The following ADGRL3 variants were observed in gnomAD, a reference collection of about 807,000 sequenced individuals.
ADGRL3 encodes calcium-independent alpha-latrotoxin receptor 3.
A neutral mutation model predicts 153.5 loss-of-function variants in ADGRL3; 62 were observed. That is an observed-to-expected ratio of 0.40 (90% CI 0.33 to 0.50). ADGRL3 has a LOEUF of 0.50. ADGRL3 is among the 20% of genes least tolerant of loss of function. The pLI is 0.47. For synonymous variants in ADGRL3, 710 were observed against 672.5 expected (o/e 1.06, Z -0.86); for missense variants, 1,641 against 1,859.4 (o/e 0.88, Z 2.16).
rs560870025 is a variant in ADGRL3, at chr4:61,707,981, G to A, written c.584-22641G>A. On this transcript the variant is annotated intron_variant, in intron 6 of 26. Transcript: ENST00000683033. The stretch of plus-strand genomic sequence containing the variant: ...GCTTTTATTCTCTCTCTTCTTTTGT[G>A]GGTTTAATGTGTGATTTAACTAAAT... Among the ~76,000 whole-genome samples, 4 of 152,052 alleles carry A rather than the reference G, an allele frequency of 2.6e-5. No homozygotes were observed. In the South Asian group the frequency reaches 8.3e-4, roughly 32 times the overall value.
chr4:61,949,966 G>A (rs2098940885), intron 17 of ADGRL3, among the ~76,000 whole-genome samples: 1 of 151,920 alleles, frequency 6.6e-6, no homozygotes, highest in Non-Finnish European at 1.5e-5. Context: ...ATTTCATTGT[G>A]GAAAGAAAAT....
intron 2 of ADGRL3, among the ~76,000 whole-genome samples, chr4:61,428,893 TC>T (rs59500609): frequency 0.021 from 1,562 of 76,084 alleles, 15 homozygotes; most frequent in Admixed American, 0.042. Flanking sequence ...TCTATCTATA[TC>T]ATCTATCTAT....
rs987917082 is a variant in ADGRL3 at position 61,845,918 on chromosome 4, C to T, written c.1480+32029C>T. Among the ~76,000 whole-genome samples, 9 of 152,102 alleles carry T rather than the reference C, an allele frequency of 5.9e-5. No individual in the cohort carries two copies. The South Asian group carries it at 6.2e-4, about 10-fold the overall frequency. On this transcript the variant is annotated intron_variant, in intron 9 of 26. Transcript: ENST00000683033. ...TGCTTACTAGTACCATTCCTATTAA[C>T]GTGTAGTATTTAGTAGAATTTTATA...
chr4:61,286,185 A>T (rs181849699), intron 1 of ADGRL3, among the ~76,000 whole-genome samples: 39 of 151,554 alleles, frequency 2.6e-4, no homozygotes, highest in African/African-American at 8.0e-4. Flanking sequence ...GTATATTTTT[A>T]AAAATATAAT....
chr4:61,395,047 A>C (rs1433496344), intron 2 of ADGRL3, among the ~76,000 whole-genome samples: 1 of 152,052 alleles, frequency 6.6e-6, no homozygotes, highest in Non-Finnish European at 1.5e-5. Flanking sequence ...CAGTGTTATT[A>C]ATTCCACAAA....
At chr4:61,903,673 A>T (rs2098678745) in intron 11 of ADGRL3, among the ~76,000 whole-genome samples, 1 of 147,022 alleles carries the variant, frequency 6.8e-6, no homozygotes, top group Non-Finnish European at 1.5e-5. Context: ...AAAAAAAAAA[A>T]AAAAAAAAAA....
intron 8 of ADGRL3, among the ~76,000 whole-genome samples, chr4:61,759,486 G>C (rs189491371): frequency 6.6e-6 from 1 of 151,968 alleles, no homozygotes; most frequent in Non-Finnish European, 1.5e-5. Flanking sequence ...TTGTGCATTC[G>C]TCACATAGTT....
At chr4:61,739,165 T>C (rs1475206316) in intron 8 of ADGRL3, among the ~76,000 whole-genome samples, 3 of 152,204 alleles carry the variant, frequency 2.0e-5, no homozygotes, top group African/African-American at 7.2e-5. Context: ...AATAATATAG[T>C]TATATTTCAC....
Position 61,892,918 on chromosome 4 carries a change from A to G in ADGRL3, c.1743A>G (p.Gln581=). 1 of 1,552,576 alleles carries G rather than the reference A, an allele frequency of 6.4e-7. No homozygotes were observed. The highest frequency in any genetic ancestry group is 1.4e-5 in the African/African-American group (1 of 72,596). ...AAATCATGTGGTTTAAGACTCGTCA[A>G]GGACAGATAGCAAAGCAGCCATGCC... The part of the protein sequence containing the change: ...AREIMWFKTR[Q]GQIAKQPCPA... The change falls in exon 10 of 27, where the codon CAA becomes CAG. Residue 581 remains glutamine (Q), a synonymous_variant. Transcript: ENST00000683033.
At chr4:61,290,267 A>G (rs1431861855) in intron 1 of ADGRL3, among the ~76,000 whole-genome samples, 2 of 152,130 alleles carry the variant, frequency 1.3e-5, no homozygotes, top group African/African-American at 4.8e-5. Context: ...AGATTAATTT[A>G]GAGTTGATGA....
At chr4:61,895,272 C>G (rs1329265261) in intron 10 of ADGRL3, among the ~76,000 whole-genome samples, 1 of 152,110 alleles carries the variant, frequency 6.6e-6, no homozygotes, top group African/African-American at 2.4e-5. Context: ...TTGAGACCAG[C>G]CTGGCCAATA....
chr4:62,017,113 G>C (rs926211835), intron 21 of ADGRL3, among the ~76,000 whole-genome samples: 2 of 151,998 alleles, frequency 1.3e-5, no homozygotes, highest in African/African-American at 4.8e-5. Context: ...TTTCTATGGA[G>C]ATGATGATAT....
chr4:61,629,167 T>C (rs1481247059), intron 5 of ADGRL3, among the ~76,000 whole-genome samples: 2 of 152,146 alleles, frequency 1.3e-5, no homozygotes, highest in African/African-American at 4.8e-5. Flanking sequence ...ACTATGGAGA[T>C]AGAAAAGATT....
chr4:61,740,209 T>A (rs1343987370), intron 8 of ADGRL3, among the ~76,000 whole-genome samples: 2 of 152,212 alleles, frequency 1.3e-5, no homozygotes, highest in Non-Finnish European at 1.5e-5. Context: ...TTTCCTATCT[T>A]ATAAAATACA....
At chr4:61,926,956 C>A (rs1270097755) in intron 13 of ADGRL3, among the ~76,000 whole-genome samples, 6 of 152,144 alleles carry the variant, frequency 3.9e-5, no homozygotes, top group Non-Finnish European at 5.9e-5. Flanking sequence ...ACACTCTGTG[C>A]CCTTTGCCTC....
At chr4:61,599,762 G>T (rs2099003410) in intron 5 of ADGRL3, among the ~76,000 whole-genome samples, 1 of 152,144 alleles carries the variant, frequency 6.6e-6, no homozygotes, top group South Asian at 2.1e-4. Context: ...CAGCATGAAT[G>T]GGACTGAGAC....
intron 21 of ADGRL3, among the ~76,000 whole-genome samples, chr4:62,023,334 G>A (rs2099246732): frequency 6.6e-6 from 1 of 152,114 alleles, no homozygotes. Context: ...CAAAGAAAGT[G>A]GTTTCTTAAG....
At chr4:61,643,819 G>C (rs1429879055) in intron 5 of ADGRL3, among the ~76,000 whole-genome samples, 3 of 145,664 alleles carry the variant, frequency 2.1e-5, no homozygotes, top group African/African-American at 7.7e-5. Context: ...GAGTTAGGGA[G>C]GATTCCCTCT....
At chr4:61,241,138 T>C (rs552348112) in intron 1 of ADGRL3, among the ~76,000 whole-genome samples, 5 of 152,008 alleles carry the variant, frequency 3.3e-5, no homozygotes, top group Non-Finnish European at 7.4e-5. Flanking sequence ...ATAAATCTTT[T>C]ATAATTCCTA....
Sources: gnomAD v4.1 joint callset for allele counts (sites outside exome capture counted in the v4.1 genomes callset) on GRCh38, gnomAD v4.1.1 for gene constraint, MANE v1.5 for transcripts, NCBI Gene and HGNC (gene_info 2026-07-23, HGNC 2026-07-21) for gene names.